RORA: variants seen among roughly 807,000 people sequenced by gnomAD.
RORA encodes the protein nuclear receptor ROR-alpha.
RORA carries 7 observed loss-of-function variants against 69.5 expected under a neutral mutation model. The ratio of observed to expected loss-of-function variants is 0.10; its 90% confidence interval spans 0.06 to 0.19. The LOEUF (loss-of-function observed/expected upper bound fraction) is 0.19. RORA is among the 10% of genes least tolerant of loss of function. The pLI, the probability that RORA is intolerant of heterozygous loss-of-function variation, is 1.00. For missense variants in RORA, 457 were observed against 663.0 expected (o/e 0.69, Z 3.41); for synonymous variants, 261 against 240.8 (o/e 1.08, Z -0.78).
intron 1 of RORA, among the ~76,000 whole-genome samples, chr15:61,228,161 T>C (rs904094483): frequency 8.5e-5 from 13 of 152,248 alleles, no homozygotes; most frequent in African/African-American, 2.9e-4. Context: ...GCAGAAATGC[T>C]TGGAACCTCC....
chr15:60,997,806 T>C (rs527621938), intron 1 of RORA, among the ~76,000 whole-genome samples: 1 of 152,226 alleles, frequency 6.6e-6, no homozygotes, highest in African/African-American at 2.4e-5. Context: ...TCCTTTAACT[T>C]TGCTTTAGTG....
chr15:60,782,116 T>C (rs924454982), intron 1 of RORA, among the ~76,000 whole-genome samples: 58 of 152,198 alleles, frequency 3.8e-4, no homozygotes, highest in African/African-American at 1.3e-3. Context: ...TCCCAGCTAC[T>C]TGGGAGGCTG....
At chr15:61,073,173 C>T (rs748419266) in intron 1 of RORA, among the ~76,000 whole-genome samples, 1 of 152,204 alleles carries the variant, frequency 6.6e-6, no homozygotes, top group Non-Finnish European at 1.5e-5. Flanking sequence ...TCTTCTCTTG[C>T]TTCTGTGCTG....
intron 1 of RORA, among the ~76,000 whole-genome samples, chr15:61,101,225 C>T (rs753192344): frequency 6.6e-6 from 1 of 152,102 alleles, no homozygotes; most frequent in Non-Finnish European, 1.5e-5. Flanking sequence ...AGACATGGCC[C>T]CTCCTCTTAG....
chr15:61,102,432 C>G (rs2078892961), intron 1 of RORA, among the ~76,000 whole-genome samples: 1 of 152,246 alleles, frequency 6.6e-6, no homozygotes, highest in Non-Finnish European at 1.5e-5. Flanking sequence ...GCTGCCCCAA[C>G]TGTCAGAGCC....
intron 5 of RORA, among the ~76,000 whole-genome samples, chr15:60,508,731 T>C (rs1354129629): frequency 1.3e-5 from 2 of 152,196 alleles, no homozygotes; most frequent in African/African-American, 2.4e-5. Flanking sequence ...GTATAACTTA[T>C]ATTAATGCCA....
intron 1 of RORA, among the ~76,000 whole-genome samples, chr15:61,167,462 A>G (rs1323247678): frequency 6.8e-6 from 1 of 147,760 alleles, no homozygotes; most frequent in Non-Finnish European, 1.5e-5. Context: ...TCTTTAAAGG[A>G]TGCAAATAAT....
At chr15:61,046,797 A>G (rs1481565613) in intron 1 of RORA, among the ~76,000 whole-genome samples, 1 of 152,192 alleles carries the variant, frequency 6.6e-6, no homozygotes, top group Non-Finnish European at 1.5e-5. Context: ...AGAGGGAAGA[A>G]ACAGCCTCCT....
chr15:60,819,705 AG>A (rs986195007), intron 1 of RORA, among the ~76,000 whole-genome samples: 29 of 150,136 alleles, frequency 1.9e-4, no homozygotes, highest in African/African-American at 6.7e-4. Context: ...GGGGCTCCCT[AG>A]TGCTTTGGGA....
chr15:60,961,971 C>T (rs1386165812), intron 1 of RORA, among the ~76,000 whole-genome samples: 2 of 152,092 alleles, frequency 1.3e-5, no homozygotes, highest in Non-Finnish European at 2.9e-5. Flanking sequence ...TTTGTTTGGC[C>T]CAGTGCATGA....
At chr15:60,996,813 A>G (rs1044096651) in intron 1 of RORA, among the ~76,000 whole-genome samples, 11 of 151,980 alleles carry the variant, frequency 7.2e-5, no homozygotes, top group African/African-American at 1.5e-4. Flanking sequence ...GGGAGGCTGA[A>G]GCAGGAGAAT....
At chr15:61,126,874 A>G (rs2140833128) in intron 1 of RORA, among the ~76,000 whole-genome samples, 2 of 152,344 alleles carry the variant, frequency 1.3e-5, no homozygotes, top group South Asian at 4.1e-4. Flanking sequence ...GAGGAAAGCA[A>G]CTTAGGTTGT....
At chr15:60,627,659 AT>A (rs1362431346) in intron 2 of RORA, 3 of 418,206 alleles carry the variant, frequency 7.2e-6, no homozygotes, top group Non-Finnish European at 9.6e-6. Context: ...TCAATACCAA[AT>A]AGTTTGAAAA....
At chr15:60,981,551 C>T (rs560937214) in intron 1 of RORA, among the ~76,000 whole-genome samples, 1 of 152,074 alleles carries the variant, frequency 6.6e-6, no homozygotes, top group Non-Finnish European at 1.5e-5. Flanking sequence ...CAAGTCTTCT[C>T]ATTCTTTCTT....
At chr15:60,540,574 C>CCCCCCGCCCCCCG (rs1555428642) in intron 2 of RORA, among the ~76,000 whole-genome samples, 1 of 102,646 alleles carries the variant, frequency 9.7e-6, no homozygotes. Context: ...ACCCCCCCCC[C>CCCCCCGCCCCCCG]CCAAAACTGT....
At chr15:60,558,035 G>T (rs1332821169) in intron 2 of RORA, 2 of 390,270 alleles carry the variant, frequency 5.1e-6, no homozygotes, top group Admixed American at 4.5e-5. Flanking sequence ...TTTGGCCTCT[G>T]AATGGGAACC....
intron 1 of RORA, among the ~76,000 whole-genome samples, chr15:60,736,446 T>C (rs2071501241): frequency 6.6e-6 from 1 of 152,210 alleles, no homozygotes; most frequent in Non-Finnish European, 1.5e-5. Flanking sequence ...AGGAAAACCT[T>C]TGCATAGGCC....
intron 1 of RORA, among the ~76,000 whole-genome samples, chr15:60,890,693 G>T (rs978183071): frequency 6.6e-6 from 1 of 152,220 alleles, no homozygotes; most frequent in Non-Finnish European, 1.5e-5. Context: ...AGTAATCCTG[G>T]ATTATAAATA....
rs553338462 is a variant in RORA, at chr15:60,920,241, G to A, written c.167-241555C>T. On this transcript the variant is annotated intron_variant, in intron 1 of 10. Coordinates refer to ENST00000335670, the MANE Select transcript of RORA (RefSeq NM_134261.3). Reference sequence around the variant, plus strand: ...TCTAAGTATCTATGTTTCTATCTACGAATCAGCCATTTTATCTTCCACCTC... The same window carrying A: ...TCTAAGTATCTATGTTTCTATCTACAAATCAGCCATTTTATCTTCCACCTC... Among the ~76,000 whole-genome samples the A allele has an allele frequency of 6.6e-5, 10 of 152,194 alleles. No individual in the cohort carries two copies. In the South Asian group the frequency reaches 2.1e-3, roughly 32 times the overall value.
Sources: allele counts gnomAD v4.1 joint callset (sites outside exome capture counted in the v4.1 genomes callset), GRCh38; gene constraint gnomAD v4.1.1; transcripts MANE v1.5; gene names NCBI Gene and HGNC (gene_info 2026-07-23, HGNC 2026-07-21).